Variants in SPOCK3 observed in about 807,000 individuals in gnomAD.
The protein encoded by SPOCK3 is SPARC (osteonectin), cwcv and kazal like domains proteoglycan 3.
Under a neutral mutation model 56.6 loss-of-function variants are expected in SPOCK3, and 30 were observed. That is an observed-to-expected ratio of 0.53 (90% CI 0.40 to 0.72). The LOEUF is 0.72. Among genes scored for constraint, SPOCK3 ranks in the 30% least tolerant of loss-of-function variants. The pLI, the probability that SPOCK3 is intolerant of heterozygous loss-of-function variation, is 0.00. For synonymous variants in SPOCK3, 196 were observed against 183.3 expected (o/e 1.07, Z -0.56); for missense variants, 527 against 530.0 (o/e 0.99, Z 0.06).
chr4:166,958,975 G>A (rs1229132136), intron 4 of SPOCK3, among the ~76,000 whole-genome samples: 1 of 152,078 alleles, frequency 6.6e-6, no homozygotes, highest in Non-Finnish European at 1.5e-5. Context: ...CTTAAAAAAT[G>A]TTATGTCTTT....
At chr4:166,860,802 C>CATATATATATATATATATATACATAT in intron 6 of SPOCK3, among the ~76,000 whole-genome samples, 3 of 101,938 alleles carry the variant, frequency 2.9e-5, no homozygotes, top group African/African-American at 7.6e-5. Flanking sequence ...CACACAAATT[C>CATATATATATATATATATATACATAT]ATATATATAT....
At chr4:167,205,544 T>TAATA (rs1734199227) in intron 2 of SPOCK3, among the ~76,000 whole-genome samples, 8 of 57,622 alleles carry the variant, frequency 1.4e-4, no homozygotes, top group African/African-American at 7.0e-4. Context: ...ATAATATATA[T>TAATA]TATATAATAT....
chr4:167,144,896 G>C (rs1366968504), intron 2 of SPOCK3, among the ~76,000 whole-genome samples: 1 of 151,932 alleles, frequency 6.6e-6, no homozygotes, highest in African/African-American at 2.4e-5. Flanking sequence ...TAATGAGACA[G>C]AGAACCATTG....
chr4:166,901,357 TC>T (rs1736023100), intron 5 of SPOCK3, among the ~76,000 whole-genome samples: 1 of 152,138 alleles, frequency 6.6e-6, no homozygotes, highest in Admixed American at 6.6e-5. Context: ...TCAGTCTATG[TC>T]CCCTGAACGA....
intron 6 of SPOCK3, among the ~76,000 whole-genome samples, chr4:166,794,736 G>C (rs934505347): frequency 6.8e-6 from 1 of 147,876 alleles, no homozygotes; most frequent in African/African-American, 2.5e-5. Flanking sequence ...TCTGCCTTTC[G>C]GGTTCAAGAG....
At chr4:167,159,475 G>A (rs1282589084) in intron 2 of SPOCK3, among the ~76,000 whole-genome samples, 1 of 152,038 alleles carries the variant, frequency 6.6e-6, no homozygotes, top group Non-Finnish European at 1.5e-5. Flanking sequence ...AGAGGACCTG[G>A]TACCATTCCT....
At chr4:166,804,181 G>A (rs952692438) in intron 6 of SPOCK3, among the ~76,000 whole-genome samples, 3 of 152,058 alleles carry the variant, frequency 2.0e-5, no homozygotes, top group African/African-American at 7.2e-5. Context: ...GAATTCTGGG[G>A]CTGCCATAAC....
chr4:166,999,037 G>A (rs1022457021), intron 4 of SPOCK3, among the ~76,000 whole-genome samples: 1 of 152,090 alleles, frequency 6.6e-6, no homozygotes, highest in Non-Finnish European at 1.5e-5. Context: ...GATTGATGGG[G>A]GATATGTTAC....
chr4:167,223,065 GAA>G (rs1561341875), intron 2 of SPOCK3, among the ~76,000 whole-genome samples: 10 of 104,016 alleles, frequency 9.6e-5, no homozygotes, highest in Non-Finnish European at 1.4e-4. Flanking sequence ...TTTTATATAT[GAA>G]TATATATTTT....
At chr4:167,127,462 C>T (rs1762372923) in intron 2 of SPOCK3, among the ~76,000 whole-genome samples, 1 of 150,772 alleles carries the variant, frequency 6.6e-6, no homozygotes, top group African/African-American at 2.4e-5. Flanking sequence ...GAGTCTCACT[C>T]TGTCGCCCAG....
intron 7 of SPOCK3, among the ~76,000 whole-genome samples, chr4:166,788,773 G>T (rs1396184835): frequency 6.6e-6 from 1 of 151,566 alleles, no homozygotes; most frequent in African/African-American, 2.4e-5. Context: ...AAAAACTATA[G>T]TGCTATCTTA....
At chr4:166,818,098 C>T (rs1579314161) in intron 6 of SPOCK3, among the ~76,000 whole-genome samples, 1 of 152,012 alleles carries the variant, frequency 6.6e-6, no homozygotes, top group Non-Finnish European at 1.5e-5. Context: ...AACAAAATAG[C>T]TAATGCTCTC....
chr4:166,852,147 T>C (rs1226709235), intron 6 of SPOCK3, among the ~76,000 whole-genome samples: 1 of 149,584 alleles, frequency 6.7e-6, no homozygotes, highest in Non-Finnish European at 1.5e-5. Flanking sequence ...GGAACTGTTG[T>C]GGGTTGTGGG....
intron 6 of SPOCK3, among the ~76,000 whole-genome samples, chr4:166,853,196 CAT>C (rs1278672436): frequency 3.3e-5 from 5 of 152,084 alleles, no homozygotes; most frequent in Non-Finnish European, 5.9e-5. Flanking sequence ...AAAATTAAGA[CAT>C]ATTTTTAAAT....
At chr4:167,228,948 C>G (rs1337471584) in intron 2 of SPOCK3, among the ~76,000 whole-genome samples, 2 of 152,124 alleles carry the variant, frequency 1.3e-5, no homozygotes, top group African/African-American at 2.4e-5. Context: ...AAGAACTAAA[C>G]CCAGTGCCTG....
At chr4:166,978,690 A>G (rs2150087689) in intron 4 of SPOCK3, among the ~76,000 whole-genome samples, 1 of 152,266 alleles carries the variant, frequency 6.6e-6, no homozygotes, top group East Asian at 1.9e-4. Context: ...AGAAGGAGGA[A>G]GAGGAGGGGG....
intron 8 of SPOCK3, among the ~76,000 whole-genome samples, chr4:166,751,534 T>C (rs1286642394): frequency 6.6e-6 from 1 of 152,050 alleles, no homozygotes; most frequent in Non-Finnish European, 1.5e-5. Flanking sequence ...ACCAGTTTAT[T>C]CATGTACTCA....
At chr4:166,860,802 C>CATATATATATATACATATAT (rs1553989683) in intron 6 of SPOCK3, among the ~76,000 whole-genome samples, 1 of 101,938 alleles carries the variant, frequency 9.8e-6, no homozygotes, top group Non-Finnish European at 2.0e-5. Flanking sequence ...CACACAAATT[C>CATATATATATATACATATAT]ATATATATAT....
chr4:167,095,527 C>T (rs1198852264), intron 2 of SPOCK3, among the ~76,000 whole-genome samples: 1 of 151,684 alleles, frequency 6.6e-6, no homozygotes, highest in Admixed American at 6.6e-5. Context: ...AAAATTAACA[C>T]CTAAATGTTA....
Sources: allele counts gnomAD v4.1 joint callset (sites outside exome capture counted in the v4.1 genomes callset), GRCh38; gene constraint gnomAD v4.1.1; transcripts MANE v1.5; gene names NCBI Gene and HGNC (gene_info 2026-07-23, HGNC 2026-07-21).